WDR7: variants seen among roughly 807,000 people sequenced by gnomAD.
WDR7 encodes the protein WD repeat-containing protein 7.
Under a neutral mutation model 169.4 loss-of-function variants are expected in WDR7, and 46 were observed. The ratio of observed to expected loss-of-function variants is 0.27; its 90% CI spans 0.21 to 0.35. The LOEUF is 0.35. WDR7 is among the 10% of genes least tolerant of loss of function. The probability of loss-of-function intolerance (pLI) is 1.00; values close to 1 mark genes in which losing one functional copy is unlikely to be tolerated. For synonymous variants in WDR7, 612 were observed against 666.8 expected (o/e 0.92, Z 1.27); for missense variants, 1,534 against 1,859.3 (o/e 0.83, Z 3.22).
In WDR7 at chr18:56,691,770, T is replaced by G. The variant is rs771222003; in HGVS notation, c.919T>G (p.Leu307Val). Residue 307 changes from leucine (L) to valine (V), a missense_variant, in exon 9 of 28, where the codon TTA becomes GTA. Transcript: ENST00000254442. ...TGATGTGGGGAAGGCAGTTGAAAAT[T>G]TAATTCCTCCTGTACAACATATCCT... ...RSDVGKAVEN[L>V]IPPVQHILLD... is the part of the protein sequence containing the mutation. The G allele has an allele frequency of 1.5e-5, 24 of 1,612,670 alleles. No homozygotes were observed. Among genetic ancestry groups the G allele is most frequent in the Non-Finnish European group, 1.9e-5 (23 of 1,179,718 alleles).
intron 26 of WDR7, among the ~76,000 whole-genome samples, chr18:56,981,195 A>G (rs1197667386): frequency 6.6e-6 from 1 of 152,220 alleles, no homozygotes; most frequent in East Asian, 1.9e-4. Flanking sequence ...ATGGTAATTA[A>G]GAGAGAATGA....
chr18:56,705,525 A>C (rs903942265), intron 12 of WDR7, among the ~76,000 whole-genome samples: 1 of 152,194 alleles, frequency 6.6e-6, no homozygotes, highest in Admixed American at 6.5e-5. Flanking sequence ...ATCATAAATG[A>C]TACATTAACA....
At chr18:56,657,929 A>G (rs1334660946) in intron 1 of WDR7, among the ~76,000 whole-genome samples, 1 of 151,326 alleles carries the variant, frequency 6.6e-6, no homozygotes, top group Non-Finnish European at 1.5e-5. Flanking sequence ...ATGAAATTAC[A>G]GGGGTTTTTT....
intron 20 of WDR7, among the ~76,000 whole-genome samples, chr18:56,832,723 A>G (rs2045333890): frequency 6.6e-6 from 1 of 152,120 alleles, no homozygotes; most frequent in Admixed American, 6.5e-5. Context: ...CCTCCAGCAA[A>G]CTCCAGCAGA....
At chr18:56,986,393 A>G (rs2047720421) in intron 26 of WDR7, among the ~76,000 whole-genome samples, 1 of 152,172 alleles carries the variant, frequency 6.6e-6, no homozygotes, top group Non-Finnish European at 1.5e-5. Flanking sequence ...ACATTTTGAA[A>G]TGATAATTCC....
At chr18:56,863,682 T>C (rs2045841228) in intron 20 of WDR7, among the ~76,000 whole-genome samples, 1 of 151,844 alleles carries the variant, frequency 6.6e-6, no homozygotes. Context: ...TTCTTAACTT[T>C]GGATATTAAC....
intron 19 of WDR7, among the ~76,000 whole-genome samples, chr18:56,794,561 G>A (rs1027909753): frequency 7.9e-5 from 12 of 151,522 alleles, no homozygotes; most frequent in African/African-American, 2.4e-4. Flanking sequence ...TGCCTGCCTC[G>A]GCCTCCCAAA....
At chr18:56,754,454 T>C (rs2043850937) in intron 14 of WDR7, among the ~76,000 whole-genome samples, 1 of 151,758 alleles carries the variant, frequency 6.6e-6, no homozygotes, top group Non-Finnish European at 1.5e-5. Context: ...TGCCATGCCA[T>C]ATATAATGTG....
chr18:56,996,461 C>T (rs181710695), intron 26 of WDR7, among the ~76,000 whole-genome samples: 13 of 152,166 alleles, frequency 8.5e-5, no homozygotes, highest in South Asian at 4.2e-4. Flanking sequence ...AACAGTATTA[C>T]GACCAAATTT....
intron 26 of WDR7, among the ~76,000 whole-genome samples, chr18:56,975,907 C>T (rs1024793708): frequency 6.6e-6 from 1 of 152,084 alleles, no homozygotes; most frequent in Non-Finnish European, 1.5e-5. Context: ...TTTAAAATCT[C>T]CCAATTTTTA....
At chr18:57,024,065 G>A (rs2048324916) in intron 27 of WDR7, among the ~76,000 whole-genome samples, 1 of 152,078 alleles carries the variant, frequency 6.6e-6, no homozygotes, top group South Asian at 2.1e-4. Flanking sequence ...TGTATATGTG[G>A]AGGTCTGGAA....
At chr18:56,847,453 A>T (rs1455824991) in intron 20 of WDR7, among the ~76,000 whole-genome samples, 1 of 152,232 alleles carries the variant, frequency 6.6e-6, no homozygotes, top group African/African-American at 2.4e-5. Flanking sequence ...GCCATGTGGC[A>T]GAGAAAGAAT....
chr18:56,851,413 C>T (rs1411786681), intron 20 of WDR7, among the ~76,000 whole-genome samples: 1 of 152,178 alleles, frequency 6.6e-6, no homozygotes, highest in African/African-American at 2.4e-5. Flanking sequence ...AACGATTTTC[C>T]TGTCCCTAGA....
At chr18:56,708,191 A>C (rs2430911) in intron 12 of WDR7, among the ~76,000 whole-genome samples, 138,839 of 151,868 alleles carry the variant, frequency 0.91, 64,641 homozygotes, top group Non-Finnish European at 1. Context: ...TCGCCAACAC[A>C]CTCAGTAAAT....
chr18:56,882,639 A>G (rs1327753120), intron 21 of WDR7, among the ~76,000 whole-genome samples: 2 of 152,206 alleles, frequency 1.3e-5, no homozygotes, highest in Non-Finnish European at 2.9e-5. Context: ...CTACCCTCAC[A>G]GTTTTAGGGA....
At chr18:56,989,570 T>C (rs577022761) in intron 26 of WDR7, among the ~76,000 whole-genome samples, 1 of 152,328 alleles carries the variant, frequency 6.6e-6, no homozygotes, top group African/African-American at 2.4e-5. Flanking sequence ...CTGAAACTAT[T>C]AATCTACTTA....
chr18:56,942,740 C>T (rs544981064), intron 25 of WDR7, among the ~76,000 whole-genome samples: 2 of 152,206 alleles, frequency 1.3e-5, no homozygotes, highest in South Asian at 2.1e-4. Flanking sequence ...ATTAAATCCT[C>T]ACGTTAAGTA....
At chr18:56,844,162 ATT>A (rs79337426) in intron 20 of WDR7, among the ~76,000 whole-genome samples, 25 of 145,336 alleles carry the variant, frequency 1.7e-4, no homozygotes, top group African/African-American at 3.8e-4. Context: ...CACTCAATCT[ATT>A]TTTTTTTTTT....
intron 25 of WDR7, among the ~76,000 whole-genome samples, chr18:56,951,895 T>A (rs1439900415): frequency 6.6e-6 from 1 of 152,210 alleles, no homozygotes; most frequent in Non-Finnish European, 1.5e-5. Context: ...TAACTATCAA[T>A]ATTTGCCATA....
Sources: gnomAD v4.1 joint callset for allele counts (sites outside exome capture counted in the v4.1 genomes callset) on GRCh38, gnomAD v4.1.1 for gene constraint, MANE v1.5 for transcripts, NCBI Gene and HGNC (gene_info 2026-07-23, HGNC 2026-07-21) for gene names.